The following TRPV4 variants were observed in gnomAD, a reference collection of about 807,000 sequenced individuals.
TRPV4 encodes OSM9-like transient receptor potential channel 4.
A neutral mutation model predicts 84.1 loss-of-function variants in TRPV4; 58 were observed. The observed-to-expected ratio is 0.69, with a 90% CI of 0.56 to 0.86. TRPV4 has a LOEUF of 0.86. Among genes scored for constraint, TRPV4 ranks in the 40% least tolerant of loss-of-function variants. The probability of loss-of-function intolerance (pLI) is 0.00; values close to 1 mark genes in which losing one functional copy is unlikely to be tolerated. For missense variants in TRPV4, 879 were observed against 1,181.1 expected (o/e 0.74, Z 3.75); for synonymous variants, 489 against 500.9 (o/e 0.98, Z 0.32).
At chr12:109,822,607 C>T (rs556024000) in intron 1 of TRPV4, among the ~76,000 whole-genome samples, 1 of 152,112 alleles carries the variant, frequency 6.6e-6, no homozygotes, top group Non-Finnish European at 1.5e-5. Context: ...CCGGGACCTG[C>T]GCCTTTGATG....
intron 3 of TRPV4, among the ~76,000 whole-genome samples, chr12:109,804,894 A>C (rs1347779971): frequency 1.3e-5 from 2 of 152,168 alleles, no homozygotes. Context: ...ACCACGGTGA[A>C]CTACAGGGTC....
intron 6 of TRPV4, among the ~76,000 whole-genome samples, chr12:109,797,758 G>A (rs1402514959): frequency 2.6e-5 from 4 of 151,954 alleles, no homozygotes; most frequent in African/African-American, 7.3e-5. Flanking sequence ...GGACTTAAAC[G>A]ATCCTCTCAC....
At chr12:109,809,868 GAGACA>G in intron 2 of TRPV4, among the ~76,000 whole-genome samples, 1 of 152,178 alleles carries the variant, frequency 6.6e-6, no homozygotes, top group East Asian at 1.9e-4. Flanking sequence ...ACAAACATTT[GAGACA>G]AATGAGGCCA....
chr12:109,827,272 A>G (rs1228126141), intron 1 of TRPV4, among the ~76,000 whole-genome samples: 3 of 152,328 alleles, frequency 2.0e-5, no homozygotes, highest in East Asian at 3.9e-4. Context: ...TTGAGGCTCA[A>G]CAAGACCAGG....
At chr12:109,816,098 C>T (rs971281636) in intron 1 of TRPV4, among the ~76,000 whole-genome samples, 4 of 152,238 alleles carry the variant, frequency 2.6e-5, no homozygotes, top group African/African-American at 9.6e-5. Context: ...CCACCCAATA[C>T]GCACGTAGAA....
Position 109,794,454 on chromosome 12 carries a change from T to C in TRPV4, c.1366A>G (p.Asn456Asp), listed in dbSNP as rs1565866740. ...RHEMLAVEPI[N>D]ELLRDKWRKF... The stretch of plus-strand genomic sequence containing the variant: ...CGCCACTTGTCCCGCAGCAGTTCAT[T>C]GATGGGCTCCACAGCCAGCATCTCG... The change falls in exon 8 of 16, where the codon AAT becomes GAT. Residue 456 changes from asparagine to aspartate, a missense_variant. Asn to Asp is a conservative substitution (Grantham distance 23). Transcript: ENST00000261740. 6.2e-7 allele frequency: 1 copy of C among 1,614,030 alleles called. No individual in the cohort carries two copies. The highest frequency in any genetic ancestry group is 1.3e-5 in the African/African-American group (1 of 75,034).
intron 12 of TRPV4, among the ~76,000 whole-genome samples, chr12:109,791,294 A>C (rs1890012417): frequency 6.6e-6 from 1 of 151,902 alleles, no homozygotes; most frequent in South Asian, 2.1e-4. Flanking sequence ...GAGGCAAGAG[A>C]ATCGCTTGAA....
intron 13 of TRPV4, among the ~76,000 whole-genome samples, chr12:109,787,208 T>C (rs1889746879): frequency 6.6e-6 from 1 of 152,234 alleles, no homozygotes; most frequent in Non-Finnish European, 1.5e-5. Context: ...CTGCACTGCC[T>C]GGAGCTTCCA....
chr12:109,798,688 T>C lies in TRPV4; in HGVS notation c.1078A>G (p.Ser360Gly). Reference protein sequence around the residue: ...LLKCARLFPDSNLEAVLNNDG... With the variant: ...LLKCARLFPDGNLEAVLNNDG... ...TTGTTGAGCACGGCCTCCAGGTTGC[T>C]GTCGGGGAAGAGGCGGGCACACTTG... The change falls in exon 6 of 16, where the codon AGC (serine) becomes GGC (glycine). Residue 360 changes from serine (S) to glycine (G), a missense_variant. Around this residue, in one of 4 missense-constraint regions of TRPV4, gnomAD observed 521 missense variants for 686.6 expected, o/e 0.76. Coordinates refer to ENST00000261740, the MANE Select transcript of TRPV4 (RefSeq NM_021625.5). This position sits in a 1 kb window ranked among gnomAD's most constrained non-coding sequence, Gnocchi z 5.0. 1 of 1,613,930 alleles carries C rather than the reference T, an allele frequency of 6.2e-7. No homozygotes were observed. Among genetic ancestry groups the C allele is most frequent in the Non-Finnish European group, 8.5e-7 (1 of 1,180,028 alleles).
At chr12:109,831,520 TTG>T (rs1295324278) in intron 1 of TRPV4, among the ~76,000 whole-genome samples, 1 of 152,240 alleles carries the variant, frequency 6.6e-6, no homozygotes, top group Non-Finnish European at 1.5e-5. Context: ...GAAGCTGGGA[TTG>T]GAAGCATCTC....
At chr12:109,819,262 G>A (rs1465459970) in intron 1 of TRPV4, among the ~76,000 whole-genome samples, 3 of 152,246 alleles carry the variant, frequency 2.0e-5, no homozygotes, top group South Asian at 2.1e-4. Context: ...GATGCAGGCA[G>A]GGAGAGAGGC....
At chr12:109,828,554 G>A (rs1892329782) in intron 1 of TRPV4, among the ~76,000 whole-genome samples, 1 of 152,226 alleles carries the variant, frequency 6.6e-6, no homozygotes, top group Non-Finnish European at 1.5e-5. Flanking sequence ...AGTTGGCAGA[G>A]CTCTGACCTC....
At position 109,793,712 on chromosome 12, in the gene TRPV4, A is replaced by C; in HGVS notation, c.1585-112T>G. On this transcript the variant is annotated intron_variant, in intron 9 of 15. Coordinates refer to ENST00000261740, the MANE Select transcript of TRPV4 (RefSeq NM_021625.5). The surrounding 1 kb of genome is among the most constrained non-coding windows in gnomAD (Gnocchi z 4.0). ...GAGGGAGGCAGAGGCTGGTACAGAG[A>C]AAAGACAAAGGACTCTTTCCTGTTA... The C allele has an allele frequency of 1.0e-6, 1 of 987,088 alleles. No homozygotes were observed. Among genetic ancestry groups the C allele is most frequent in the Non-Finnish European group, 1.6e-6 (1 of 626,462 alleles). 61.1% of individuals were successfully genotyped at this position (987,088 alleles called of 1,614,324 possible).
intron 5 of TRPV4, among the ~76,000 whole-genome samples, chr12:109,799,274 G>A (rs1157379013): frequency 6.6e-6 from 1 of 151,646 alleles, no homozygotes; most frequent in South Asian, 2.1e-4. Flanking sequence ...TGCCTCAGCC[G>A]AGTAGCTGGG....
intron 4 of TRPV4, among the ~76,000 whole-genome samples, chr12:109,802,622 T>TTTTA (rs1890869922): frequency 6.6e-6 from 1 of 150,596 alleles, no homozygotes; most frequent in Admixed American, 6.6e-5. Flanking sequence ...TTATTTTTTT[T>TTTTA]TTTTTGTATC....
chr12:109,784,029 C>T (rs939820861), intron 15 of TRPV4, among the ~76,000 whole-genome samples: 1 of 152,174 alleles, frequency 6.6e-6, no homozygotes, highest in East Asian at 1.9e-4. Context: ...CTGCGTCTCG[C>T]GTGCTCATGG....
intron 13 of TRPV4, among the ~76,000 whole-genome samples, chr12:109,787,358 A>C (rs1411468741): frequency 6.6e-6 from 1 of 152,214 alleles, no homozygotes; most frequent in African/African-American, 2.4e-5. Flanking sequence ...CAATCTCAGC[A>C]CTTTAGGAGG....
Position 109,793,358 on chromosome 12 carries a change from A to G in TRPV4, c.1658+169T>C, listed in dbSNP as rs1176229188. ...TCCCTAGCAATCAGAATTTTTCTTG[A>G]ACCAGAAGACCCTATTGTTTGTGGC... On this transcript the variant is annotated intron_variant, in intron 10 of 15. Transcript: ENST00000261740. This position sits in a 1 kb window ranked among gnomAD's most constrained non-coding sequence, Gnocchi z 4.0. 1.2e-5 allele frequency: 8 copies of G among 673,656 alleles called. No homozygotes were observed. Among genetic ancestry groups the G allele is most frequent in the Non-Finnish European group, 1.9e-5 (7 of 369,030 alleles). 41.7% of individuals were successfully genotyped at this position (673,656 alleles called of 1,614,324 possible).
chr12:109,799,927 CTTATTTATTTAT>C (rs138812871), intron 5 of TRPV4, among the ~76,000 whole-genome samples: 8 of 148,468 alleles, frequency 5.4e-5, no homozygotes, highest in Admixed American at 2.0e-4. Context: ...TGCCATCTAA[CTTATTTATTTAT>C]TTATTTATTT....
Sources: allele counts gnomAD v4.1 joint callset (sites outside exome capture counted in the v4.1 genomes callset), GRCh38; gene constraint gnomAD v4.1.1; regional missense constraint gnomAD v4.1.1; non-coding constraint Gnocchi (gnomAD v3.1); transcripts MANE v1.5; gene names NCBI Gene and HGNC (gene_info 2026-07-23, HGNC 2026-07-21).